Variants in ATRNL1 observed in about 807,000 individuals in gnomAD.
ATRNL1 encodes the protein attractin like 1.
In ATRNL1, 95 loss-of-function variants were observed where a neutral mutation model predicts 182.7. That is an observed-to-expected ratio of 0.52 (90% CI 0.44 to 0.62). The LOEUF (loss-of-function observed/expected upper bound fraction) is 0.62. ATRNL1 is among the 20% of genes least tolerant of loss of function. ATRNL1 has a pLI of 0.00. For synonymous variants in ATRNL1, 576 were observed against 568.3 expected, an observed-to-expected ratio of 1.01 and a Z score of -0.19; for missense variants, 1,471 against 1,679.5, an observed-to-expected ratio of 0.88 and a Z score of 2.17.
chr10:115,577,610 T>TTGTGTGTGTC (rs1854800414), intron 26 of ATRNL1, among the ~76,000 whole-genome samples: 1 of 135,016 alleles, frequency 7.4e-6, no homozygotes, highest in Non-Finnish European at 1.6e-5. Context: ...TTCTAACAGG[T>TTGTGTGTGTC]TGTGTGTGTG....
rs1330989713 is a variant in ATRNL1 at position 115,946,823 on chromosome 10, T to C, written c.*2044T>C. On this transcript the variant is annotated 3_prime_UTR_variant, in exon 29 of 29. Transcript: ENST00000355044. ...CATTTTTTAAAAAGTGATTGCCCAATGTATTTCTCTAACAATTGTCACAAG... is the reference window on the plus strand; with the variant it reads ...CATTTTTTAAAAAGTGATTGCCCAACGTATTTCTCTAACAATTGTCACAAG... 4 of 152,162 alleles carry C rather than the reference T, an allele frequency of 2.6e-5. No individual in the cohort carries two copies. The highest frequency in any genetic ancestry group is 5.9e-5 in the Non-Finnish European group (4 of 68,020). The allele number at this position is 152,162 out of a possible 1,614,324, so 9.4% of individuals were successfully genotyped here. A position where few individuals can be genotyped will look rare whatever the true frequency, so the allele number is the denominator to read the frequency against.
intron 28 of ATRNL1, among the ~76,000 whole-genome samples, chr10:115,862,369 A>G (rs1951335980): frequency 6.6e-6 from 1 of 152,134 alleles, no homozygotes; most frequent in Non-Finnish European, 1.5e-5. Context: ...CTTCAGAATC[A>G]TCATGTTTTG....
intron 26 of ATRNL1, among the ~76,000 whole-genome samples, chr10:115,618,967 T>C (rs1857577566): frequency 6.6e-6 from 1 of 152,222 alleles, no homozygotes; most frequent in South Asian, 2.1e-4. Context: ...CGAAATAGCT[T>C]TCATAGGATG....
rs782429140 is a variant in ATRNL1 at position 115,300,241 on chromosome 10, C to T, written c.2623C>T (p.Pro875Ser). ...SMANGLVCEK[P>S]VVSPNQNARP... is the part of the protein sequence containing the mutation. Reference sequence around the variant, plus strand: ...GGCAAATGGCCTTGTCTGTGAAAAACCTGTTGGTAAGTAGTCCAGTAAATT... The same window carrying T: ...GGCAAATGGCCTTGTCTGTGAAAAATCTGTTGGTAAGTAGTCCAGTAAATT... Residue 875 changes from proline to serine, a missense_variant, in exon 16 of 29, where the codon CCT becomes TCT. Coordinates refer to ENST00000355044, the MANE Select transcript of ATRNL1 (RefSeq NM_207303.4). 9.9e-6 allele frequency: 16 copies of T among 1,613,102 alleles called. No individual in the cohort carries two copies. In the Admixed American group the frequency reaches 1.3e-4, roughly 13 times the overall value.
intron 10 of ATRNL1, among the ~76,000 whole-genome samples, chr10:115,253,008 C>A (rs1038410619): frequency 1.2e-4 from 18 of 152,140 alleles, no homozygotes; most frequent in African/African-American, 4.3e-4. Flanking sequence ...GCTAGCCTGG[C>A]AATGTATGAT....
intron 1 of ATRNL1, among the ~76,000 whole-genome samples, chr10:115,119,802 C>G (rs1564749039): frequency 4.6e-5 from 7 of 152,032 alleles, no homozygotes. Context: ...CATACGTATA[C>G]TTTTTCTCTA....
chr10:115,197,167 G>C (rs1342657510), intron 8 of ATRNL1, among the ~76,000 whole-genome samples: 2 of 151,524 alleles, frequency 1.3e-5, no homozygotes, highest in Non-Finnish European at 2.9e-5. Context: ...TTTTTAATAT[G>C]GTGAATGGTA....
Position 115,300,021 on chromosome 10 carries a change from C to T in ATRNL1, c.2416-13C>T. ...TAACTTTCTTTGAATGCCCCTTTTC[C>T]TGTTGTTTACAGAAAGTATCACCTT... On this transcript the variant is annotated splice_polypyrimidine_tract_variant and intron_variant, in intron 15 of 28. Coordinates refer to ENST00000355044, the MANE Select transcript of ATRNL1 (RefSeq NM_207303.4). 1 of 1,586,812 alleles carries T rather than the reference C, an allele frequency of 6.3e-7. No homozygotes were observed. The highest frequency in any genetic ancestry group is 8.6e-7 in the Non-Finnish European group (1 of 1,159,374).
At chr10:115,657,074 T>C (rs568463579) in intron 26 of ATRNL1, among the ~76,000 whole-genome samples, 1 of 152,294 alleles carries the variant, frequency 6.6e-6, no homozygotes, top group East Asian at 1.9e-4. Context: ...ATACATCATT[T>C]CACTGAAACT....
chr10:115,381,056 T>C (rs1182523754), intron 19 of ATRNL1, among the ~76,000 whole-genome samples: 1 of 152,212 alleles, frequency 6.6e-6, no homozygotes, highest in Non-Finnish European at 1.5e-5. Context: ...CTTATCATTA[T>C]CTGTCTTTTT....
At chr10:115,228,665 C>T (rs1849796597) in intron 9 of ATRNL1, among the ~76,000 whole-genome samples, 1 of 151,772 alleles carries the variant, frequency 6.6e-6, no homozygotes, top group African/African-American at 2.4e-5. Context: ...ATTTATTAAA[C>T]TTTACCATTT....
rs142154120 is a variant in ATRNL1 at position 115,331,287 on chromosome 10, C to T, written c.3038-2995C>T. ...ATGTTAGCCAGGATCATCTCAATCT[C>T]CTGACCTTGTGATCTGTCTGCCTCA... On this transcript the variant is annotated intron_variant, in intron 18 of 28. Coordinates refer to ENST00000355044, the MANE Select transcript of ATRNL1 (RefSeq NM_207303.4). Among the ~76,000 whole-genome samples the T allele has an allele frequency of 4.8e-3, 731 of 152,312 alleles. 4 individuals are homozygous for T. Among genetic ancestry groups the T allele is most frequent in the African/African-American group, 0.017 (706 of 41,568 alleles).
In ATRNL1 at chr10:115,588,285, G is replaced by A. The variant is rs141331048; in HGVS notation, c.3795+38749G>A. ...TGATTTATGTATGGACTACATAAAT[G>A]AGCCTCTTTTGCTGTGCAGCTTCTG... On this transcript the variant is annotated intron_variant, in intron 26 of 28. Coordinates refer to ENST00000355044, the MANE Select transcript of ATRNL1 (RefSeq NM_207303.4). Among the ~76,000 whole-genome samples the A allele has an allele frequency of 3.7e-3, 569 of 152,202 alleles. 2 individuals are homozygous for A. The highest frequency in any genetic ancestry group is 0.012 in the African/African-American group (492 of 41,532).
chr10:115,928,263 T>C (rs186635529), intron 28 of ATRNL1, among the ~76,000 whole-genome samples: 145 of 152,194 alleles, frequency 9.5e-4, no homozygotes, highest in Non-Finnish European at 1.2e-3. Flanking sequence ...AGTAGCAAAT[T>C]AATTTATTGT....
At chr10:115,327,305 C>T (rs1297905728) in intron 18 of ATRNL1, among the ~76,000 whole-genome samples, 1 of 150,448 alleles carries the variant, frequency 6.6e-6, no homozygotes, top group Non-Finnish European at 1.5e-5. Flanking sequence ...CAAAAGAAGA[C>T]ATTTATGCAG....
chr10:115,184,932 T>C (rs1381970311), intron 8 of ATRNL1, among the ~76,000 whole-genome samples: 1 of 151,994 alleles, frequency 6.6e-6, no homozygotes, highest in Admixed American at 6.6e-5. Context: ...AGGTTTGTTT[T>C]TTGAAGGTTT....
chr10:115,148,158 T>C (rs1554879764), intron 5 of ATRNL1, among the ~76,000 whole-genome samples: 1 of 152,144 alleles, frequency 6.6e-6, no homozygotes, highest in Non-Finnish European at 1.5e-5. Flanking sequence ...CTATAGAGAT[T>C]GTCCACATGC....
intron 27 of ATRNL1, among the ~76,000 whole-genome samples, chr10:115,738,127 T>TC: frequency 4.4e-5 from 1 of 22,646 alleles, no homozygotes; most frequent in Non-Finnish European, 8.8e-5. Flanking sequence ...AAGATAATGA[T>TC]TTTTTTTTTT....
intron 27 of ATRNL1, among the ~76,000 whole-genome samples, chr10:115,771,897 G>A (rs1258700340): frequency 6.6e-6 from 1 of 152,122 alleles, no homozygotes; most frequent in Non-Finnish European, 1.5e-5. Context: ...AATCTTGGGG[G>A]AAAAATAAGA....
Sources: allele counts gnomAD v4.1 joint callset (sites outside exome capture counted in the v4.1 genomes callset), GRCh38; gene constraint gnomAD v4.1.1; transcripts MANE v1.5; gene names NCBI Gene and HGNC (gene_info 2026-07-23, HGNC 2026-07-21).